The following OR56A3 variants were observed in gnomAD, a reference collection of about 807,000 sequenced individuals.
OR56A3 encodes the protein olfactory receptor family 56 subfamily A member 3.
A neutral mutation model predicts 17.5 loss-of-function variants in OR56A3; 23 were observed. The ratio of observed to expected loss-of-function variants is 1.32; its 90% CI spans 0.95 to 1.87. OR56A3 has a LOEUF of 1.87. Ranked by LOEUF, OR56A3 falls within the 40% of genes most tolerant of loss-of-function variation. The probability of loss-of-function intolerance (pLI) is 0.00; values close to 1 mark genes in which losing one functional copy is unlikely to be tolerated. For synonymous variants in OR56A3, 175 were observed against 150.6 expected (o/e 1.16, Z -1.19); for missense variants, 366 against 380.1 (o/e 0.96, Z 0.31).
the OR56A3 span, among the ~76,000 whole-genome samples, chr11:5,961,434 A>G: frequency 6.6e-6 from 1 of 152,292 alleles, no homozygotes; most frequent in African/African-American, 2.4e-5. Flanking sequence ...GATGCTGTTG[A>G]TCTATGACCT....
At chr11:6,002,420 A>G in the OR56A3 span, 1 of 1,614,258 alleles carries the variant, frequency 6.2e-7, no homozygotes, top group Non-Finnish European at 8.5e-7. Context: ...TGTCATCACA[A>G]GAGAGTTTGG....
At chr11:5,953,643 T>G (rs996005794), downstream of OR56A3, among the ~76,000 whole-genome samples, 2 of 152,166 alleles carry the variant, frequency 1.3e-5, no homozygotes, top group Non-Finnish European at 2.9e-5. Context: ...CCAGGACACA[T>G]TGTTCTTTCA....
At chr11:5,998,072 C>G in the OR56A3 span, among the ~76,000 whole-genome samples, 1 of 152,192 alleles carries the variant, frequency 6.6e-6, no homozygotes, top group Non-Finnish European at 1.5e-5. Flanking sequence ...ACACAATCCT[C>G]TGTCTCACCT....
the OR56A3 span, among the ~76,000 whole-genome samples, chr11:6,013,023 C>G: frequency 6.6e-6 from 1 of 152,212 alleles, no homozygotes; most frequent in Non-Finnish European, 1.5e-5. Flanking sequence ...CCTGAGCCCC[C>G]AAGAGCGCAG....
At chr11:5,990,447 G>A in the OR56A3 span, among the ~76,000 whole-genome samples, 19 of 152,326 alleles carry the variant, frequency 1.2e-4, 1 homozygote, top group South Asian at 3.9e-3. Flanking sequence ...TCTGCCATAA[G>A]AGAAGATGGT....
the OR56A3 span, among the ~76,000 whole-genome samples, chr11:6,005,271 T>C: frequency 2.9e-3 from 441 of 152,064 alleles, 2 homozygotes; most frequent in African/African-American, 0.01. Flanking sequence ...ACAAAAAAAA[T>C]GAGGTAACAT....
chr11:5,987,105 T>C, the OR56A3 span: 2 of 629,740 alleles, frequency 3.2e-6, no homozygotes, highest in Admixed American at 2.9e-5. Context: ...TCTGAATTAA[T>C]ACAAGCTTAG....
the OR56A3 span, chr11:6,002,261 A>C: frequency 6.2e-7 from 1 of 1,614,190 alleles, no homozygotes; most frequent in African/African-American, 1.3e-5. Context: ...AGTGGGAACC[A>C]CACGTGCTCA....
At chr11:5,945,140 ACTTC>A (rs1236383329) in intron 2 of OR56A3, 58 bp downstream of exon 2, 1 of 152,122 alleles carries the variant, frequency 6.6e-6, no homozygotes, top group Non-Finnish European at 1.5e-5. Flanking sequence ...TTTAATTATA[ACTTC>A]CTTCCTTGTC....
the OR56A3 span, chr11:6,001,990 C>T: frequency 6.8e-7 from 1 of 1,460,194 alleles, no homozygotes; most frequent in South Asian, 1.6e-5. Flanking sequence ...AATTAATTCC[C>T]TATTTCCCAA....
chr11:5,994,090 G>T, the OR56A3 span: 6 of 484,210 alleles, frequency 1.2e-5, no homozygotes, highest in Non-Finnish European at 2.4e-5. Context: ...CTACTCGTGG[G>T]CCTGGTGCTG....
At chr11:5,973,496 C>T in the OR56A3 span, among the ~76,000 whole-genome samples, 1 of 152,184 alleles carries the variant, frequency 6.6e-6, no homozygotes, top group African/African-American at 2.4e-5. Context: ...CTCCTCCTTA[C>T]TTCTCCAGTG....
intron 2 of OR56A3, among the ~76,000 whole-genome samples, chr11:5,945,389 A>T (rs988251942): frequency 1.3e-5 from 2 of 152,200 alleles, no homozygotes; most frequent in African/African-American, 4.8e-5. Flanking sequence ...CCTGGCCAAC[A>T]TGGTGAAACC....
At chr11:6,021,219 G>A in the OR56A3 span, 1 of 151,996 alleles carries the variant, frequency 6.6e-6, no homozygotes, top group African/African-American at 2.4e-5. Flanking sequence ...GGGGTTTATT[G>A]CCAAAGAAAC....
chr11:6,013,782 T>A, the OR56A3 span, among the ~76,000 whole-genome samples: 103,285 of 151,928 alleles, frequency 0.68, 35,435 homozygotes, highest in East Asian at 0.94. Context: ...GAGCCTAAAG[T>A]CAGGCCAGCA....
the OR56A3 span, among the ~76,000 whole-genome samples, chr11:5,976,706 G>A: frequency 5.1e-4 from 77 of 151,498 alleles, no homozygotes; most frequent in Non-Finnish European, 7.2e-4. Flanking sequence ...TTGACTCTTC[G>A]CTTGTCTTTT....
At chr11:6,015,999 T>A in the OR56A3 span, among the ~76,000 whole-genome samples, 3 of 152,146 alleles carry the variant, frequency 2.0e-5, no homozygotes, top group Admixed American at 6.5e-5. Context: ...TGTGGATTTG[T>A]GTCCCCGCCC....
At chr11:6,002,453 G>A in the OR56A3 span, 1 of 1,614,220 alleles carries the variant, frequency 6.2e-7, no homozygotes, top group Non-Finnish European at 8.5e-7. Context: ...TACTGCAGAT[G>A]CAGTTCTTGA....
the OR56A3 span, among the ~76,000 whole-genome samples, chr11:6,011,833 G>A: frequency 6.6e-6 from 1 of 152,180 alleles, no homozygotes; most frequent in Non-Finnish European, 1.5e-5. Flanking sequence ...AGTCAGACAT[G>A]CCAGCTGCTG....
Sources: gnomAD v4.1 joint callset for allele counts (sites outside exome capture counted in the v4.1 genomes callset) on GRCh38, gnomAD v4.1.1 for gene constraint, MANE v1.5 for transcripts, NCBI Gene and HGNC (gene_info 2026-07-23, HGNC 2026-07-21) for gene names.